ANKLE1: variants seen among roughly 807,000 people sequenced by gnomAD.
The protein encoded by ANKLE1 is structure-specific endonuclease ANKLE1.
ANKLE1 carries 59 observed loss-of-function variants against 56.2 expected under a neutral mutation model. That is an observed-to-expected ratio of 1.05 (90% CI 0.85 to 1.30). The LOEUF (loss-of-function observed/expected upper bound fraction) is 1.30, where lower values mean the gene tolerates loss of function less well. Among genes scored for constraint, ANKLE1 ranks in the 50% most tolerant of loss-of-function variants. The probability of loss-of-function intolerance (pLI) is 0.00; values close to 1 mark genes in which losing one functional copy is unlikely to be tolerated. For synonymous variants in ANKLE1, 341 were observed against 352.9 expected, an observed-to-expected ratio of 0.97 and a Z score of 0.38; for missense variants, 771 against 816.1, an observed-to-expected ratio of 0.94 and a Z score of 0.67.
Position 17,283,924 on chromosome 19 carries a change from T to A in ANKLE1, c.1160T>A (p.Leu387Ter). 6.2e-7 allele frequency: 1 copy of A among 1,610,402 alleles called. No individual in the cohort carries two copies. The change falls in exon 5 of 9, where the codon TTG (leucine) becomes TAG (stop). Residue 387 changes from leucine (L) to a stop codon, truncating the protein, a stop_gained. Transcript: ENST00000404085. LOFTEE classifies it high-confidence loss of function. ...CCCATCACACCCTTCACCAGGCAGT[T>A]GTACCACCAGCAGCTGGAAGAAGCC... ...PHPITPFTRQLYHQQLEEAQI... is the reference protein window; with the variant it reads ...PHPITPFTRQ
chr19:17,283,914 A>C lies in ANKLE1; in HGVS notation c.1150A>C (p.Thr384Pro), dbSNP rs1394008767. The change falls in exon 5 of 9, where the codon ACC (threonine) becomes CCC (proline). Residue 384 changes from threonine (T) to proline (P), a missense_variant. By Grantham distance (38) the Thr-to-Pro change is conservative. Transcript: ENST00000404085. ...GAATCCTCACCCCATCACACCCTTC[A>C]CCAGGCAGTTGTACCACCAGCAGCT... ...GENPHPITPF[T>P]RQLYHQQLEE... 2.5e-6 allele frequency: 4 copies of C among 1,611,940 alleles called. No individual in the cohort carries two copies. Among genetic ancestry groups the C allele is most frequent in the Admixed American group, 3.3e-5 (2 of 59,984 alleles).
In ANKLE1 at chr19:17,283,682, C is replaced by T. The variant is rs778505670; in HGVS notation, c.918C>T (p.Pro306=). 6.2e-7 allele frequency: 1 copy of T among 1,613,618 alleles called. No homozygotes were observed. Among genetic ancestry groups the T allele is most frequent in the Non-Finnish European group, 8.5e-7 (1 of 1,179,882 alleles). Residue 306 remains proline, a synonymous_variant, in exon 5 of 9, where the codon CCC becomes CCT. Transcript: ENST00000404085. ...TGGACAGGAGTCCAGCTCATAGCCCCCCACGGACACCAACCCCTGGAGCTT... is the reference window on the plus strand; with the variant it reads ...TGGACAGGAGTCCAGCTCATAGCCCTCCACGGACACCAACCCCTGGAGCTT... The part of the protein sequence containing the change: ...PLLDRSPAHS[P]PRTPTPGASD...
At chr19:17,286,272 GA>G in intron 8 of ANKLE1, 107 bp from the exon 9 acceptor site, 2 of 1,408,926 alleles carry the variant, frequency 1.4e-6, no homozygotes, top group Non-Finnish European at 1.9e-6. Flanking sequence ...AAAGTGTTGG[GA>G]TTACAGGCGT....
chr19:17,283,031 C>A, intron 4 of ANKLE1, 29 bp downstream of exon 4: 1 of 1,549,656 alleles, frequency 6.5e-7, no homozygotes, highest in Non-Finnish European at 8.7e-7. Flanking sequence ...GCTGCTGGGG[C>A]TTGACTTCTG....
Position 17,283,491 on chromosome 19 carries a change from T to C in ANKLE1, c.727T>C (p.Ser243Pro), listed in dbSNP as rs2145637209. Residue 243 changes from serine to proline, a missense_variant, in exon 5 of 9, where the codon TCA becomes CCA. Coordinates refer to ENST00000404085, the MANE Select transcript of ANKLE1 (RefSeq NM_152363.6). ...PASDTPPWAG[S>P]LPPTRQGLLH... is the part of the protein sequence containing the mutation. ...CTCGGACACTCCCCCCTGGGCTGGG[T>C]CATTGCCACCGACCAGGCAGGGACT... 1 of 1,612,974 alleles carries C rather than the reference T, an allele frequency of 6.2e-7. No individual in the cohort carries two copies. The highest frequency in any genetic ancestry group is 8.5e-7 in the Non-Finnish European group (1 of 1,179,584).
intron 6 of ANKLE1, among the ~76,000 whole-genome samples, chr19:17,284,947 C>T (rs1295147961): frequency 6.6e-6 from 1 of 151,850 alleles, no homozygotes; most frequent in East Asian, 2.0e-4. Flanking sequence ...CCTTGGCCTC[C>T]CAAAGTGTTG....
intron 6 of ANKLE1, 48 bp from the exon 7 acceptor site, chr19:17,285,383 G>A: frequency 6.2e-7 from 1 of 1,608,870 alleles, no homozygotes; most frequent in Non-Finnish European, 8.5e-7. Flanking sequence ...CTGCCTCTGG[G>A]GACCACTGTA....
chr19:17,285,720 A>G lies in ANKLE1; in HGVS notation c.1576A>G (p.Ile526Val). Residue 526 changes from isoleucine (I) to valine (V), a missense_variant, in exon 8 of 9, where the codon ATC becomes GTC. Transcript: ENST00000404085. ...CCCCAAGGTGCGTCAGATCTTGGAC[A>G]TCTGGGCCAGTGGTTGCGGTGTTGT... ...ACPKVRQILD[I>V]WASGCGVVSL... 6.2e-7 allele frequency: 1 copy of G among 1,613,934 alleles called. No individual in the cohort carries two copies. Among genetic ancestry groups the G allele is most frequent in the Non-Finnish European group, 8.5e-7 (1 of 1,179,878 alleles).
intron 2 of ANKLE1, chr19:17,282,437 T>C: frequency 2.4e-6 from 2 of 838,490 alleles, no homozygotes; most frequent in South Asian, 3.5e-5. Flanking sequence ...AAAGTGGGGA[T>C]CAAGGGTTCG....
chr19:17,286,959 T>A lies in ANKLE1; in HGVS notation c.*407T>A. 3.3e-6 allele frequency: 1 copy of A among 306,548 alleles called. No homozygotes were observed. Among genetic ancestry groups the A allele is most frequent in the Non-Finnish European group, 5.0e-6 (1 of 200,360 alleles). The allele number at this position is 306,548 out of a possible 1,614,324, so 19.0% of individuals were successfully genotyped here. On this transcript the variant is annotated 3_prime_UTR_variant, in exon 9 of 9. Transcript: ENST00000404085. ...GCTGCATTCCCAGATGGTTAAAGCATTCTAAGTCACGGGATCAGGTAGGAG... is the reference window on the plus strand; with the variant it reads ...GCTGCATTCCCAGATGGTTAAAGCAATCTAAGTCACGGGATCAGGTAGGAG...
Position 17,286,731 on chromosome 19 carries a change from A to G in ANKLE1, c.*179A>G. Reference sequence around the variant, plus strand: ...GTGTGTGTAGGGAGCACCCAGGCAGATCTCCCCCAGGCTGAGAGAGGACTT... The same window carrying G: ...GTGTGTGTAGGGAGCACCCAGGCAGGTCTCCCCCAGGCTGAGAGAGGACTT... On this transcript the variant is annotated 3_prime_UTR_variant, in exon 9 of 9. Coordinates refer to ENST00000404085, the MANE Select transcript of ANKLE1 (RefSeq NM_152363.6). 1 of 1,457,480 alleles carries G rather than the reference A, an allele frequency of 6.9e-7. No homozygotes were observed. The highest frequency in any genetic ancestry group is 9.1e-7 in the Non-Finnish European group (1 of 1,102,096). 90.3% of individuals were successfully genotyped at this position (1,457,480 alleles called of 1,614,324 possible).
Position 17,286,495 on chromosome 19 carries a change from C to A in ANKLE1, c.1791C>A (p.Val597=), listed in dbSNP as rs1406338292. The change falls in exon 9 of 9, where the codon GTC becomes GTA. Residue 597 remains valine (V), a synonymous_variant. Transcript: ENST00000404085. Reference sequence around the variant, plus strand: ...ACCTGCTGCACCGTGCCCTCCTTGTCTTCCTGGCTGAAGGCGAGCGACAGC... The same window carrying A: ...ACCTGCTGCACCGTGCCCTCCTTGTATTCCTGGCTGAAGGCGAGCGACAGC... ...GVHLLHRALL[V]FLAEGERQLH... is the part of the protein sequence containing the mutation. 6.2e-7 allele frequency: 1 copy of A among 1,612,670 alleles called. No homozygotes were observed. The highest frequency in any genetic ancestry group is 1.7e-4 in the Middle Eastern group (1 of 6,042).
chr19:17,285,389 C>A, intron 6 of ANKLE1, 42 bp from the exon 7 acceptor site: 2 of 1,610,804 alleles, frequency 1.2e-6, no homozygotes, highest in Non-Finnish European at 1.7e-6. Context: ...CTGGGGACCA[C>A]TGTATCCACT....
intron 2 of ANKLE1, chr19:17,282,421 A>G: frequency 1.2e-6 from 1 of 863,794 alleles, no homozygotes; most frequent in East Asian, 2.6e-5. Context: ...GGGCTGCGCT[A>G]GGACCAAAGT....
intron 6 of ANKLE1, among the ~76,000 whole-genome samples, chr19:17,284,684 C>T (rs1347785868): frequency 2.1e-4 from 19 of 91,920 alleles, no homozygotes; most frequent in Admixed American, 1.0e-3. Context: ...GCACCGGCCT[C>T]TTTTTTTTTT....
At chr19:17,282,531 T>C in intron 2 of ANKLE1, 125 bp from the exon 3 acceptor site, 1 of 1,031,480 alleles carries the variant, frequency 9.7e-7, no homozygotes. Context: ...CCAAGGGCAG[T>C]GTACCAGGGT....
At position 17,281,961 on chromosome 19, in the gene ANKLE1, C is replaced by T. The variant is rs2073977002; in HGVS notation, c.41C>T (p.Ala14Val). ...CGCCTGGCTCGCAGGTTGCGGGATGCGCTGCGGGAGGAGGAGCCGTGGTGA... is the reference window on the plus strand; with the variant it reads ...CGCCTGGCTCGCAGGTTGCGGGATGTGCTGCGGGAGGAGGAGCCGTGGTGA... Reference protein sequence around the residue: ...EARLARRLRDALREEEPWAVE... With the variant: ...EARLARRLRDVLREEEPWAVE... Residue 14 changes from alanine to valine, a missense_variant, in exon 1 of 9, where the codon GCG becomes GTG. Ala to Val is a moderately conservative substitution (Grantham distance 64). Coordinates refer to ENST00000404085, the MANE Select transcript of ANKLE1 (RefSeq NM_152363.6). 4 of 1,533,738 alleles carry T rather than the reference C, an allele frequency of 2.6e-6. No individual in the cohort carries two copies. The South Asian group carries it at 3.6e-5, about 14-fold the overall frequency.
At chr19:17,284,377 CT>C (rs2074009584) in intron 6 of ANKLE1, 111 bp downstream of exon 6, 2 of 1,033,562 alleles carry the variant, frequency 1.9e-6, no homozygotes, top group Non-Finnish European at 2.7e-6. Flanking sequence ...TCAGCTGCTT[CT>C]TCTTCTTTTT....
chr19:17,286,647 GGTGTGTGTGTGTGTGTGTGTGTGT>G lies in ANKLE1; in HGVS notation c.*116_*139del. 1 of 1,427,998 alleles carries G rather than the reference GGTGTGTGTGTGTGTGTGTGTGTGT, an allele frequency of 7.0e-7. No individual in the cohort carries two copies. The highest frequency in any genetic ancestry group is 2.3e-5 in the Admixed American group (1 of 43,104). The allele number at this position is 1,427,998 out of a possible 1,614,324, so 88.5% of individuals were successfully genotyped here. A position where few individuals can be genotyped will look rare whatever the true frequency, so the allele number is the denominator to read the frequency against. Reference sequence around the variant, plus strand: ...AGCCCCCATCTCTGGTTTCAGAAGGGGTGTGTGTGTGTGTGTGTGTGTGTGTGTGTGTGTGTGTGTGTGTTTGTG... The same window carrying G: ...AGCCCCCATCTCTGGTTTCAGAAGGGGTGTGTGTGTGTGTGTGTGTTTGTG... On this transcript the variant is annotated 3_prime_UTR_variant, in exon 9 of 9. Transcript: ENST00000404085.
Sources: allele counts gnomAD v4.1 joint callset (sites outside exome capture counted in the v4.1 genomes callset), GRCh38; gene constraint gnomAD v4.1.1; transcripts MANE v1.5; gene names NCBI Gene and HGNC (gene_info 2026-07-23, HGNC 2026-07-21).